Variants in NFIB observed in about 807,000 individuals in gnomAD.
NFIB encodes nuclear factor I B.
NFIB carries 11 observed loss-of-function variants against 61.5 expected under a neutral mutation model. That is an observed-to-expected ratio of 0.18 (90% CI 0.11 to 0.30). The LOEUF (loss-of-function observed/expected upper bound fraction) is 0.30, where lower values mean the gene tolerates loss of function less well. Ranked by LOEUF, NFIB falls within the 10% of genes least tolerant of loss-of-function variation. NFIB has a pLI of 1.00. For missense variants in NFIB, 471 were observed against 608.9 expected (o/e 0.77, Z 2.38); for synonymous variants, 260 against 216.5 (o/e 1.20, Z -1.76).
chr9:14,262,835 A>T (rs946816441), intron 2 of NFIB, among the ~76,000 whole-genome samples: 11 of 152,272 alleles, frequency 7.2e-5, no homozygotes, highest in Non-Finnish European at 1.3e-4. Flanking sequence ...CAGTTTCAAC[A>T]TGAAACTGGC....
At chr9:14,412,219 T>A in the NFIB span, among the ~76,000 whole-genome samples, 1 of 152,212 alleles carries the variant, frequency 6.6e-6, no homozygotes, top group Non-Finnish European at 1.5e-5. Context: ...GGTCTTAGAT[T>A]GTCCTATGTG....
intron 1 of NFIB, among the ~76,000 whole-genome samples, chr9:14,389,003 T>TG (rs953669631): frequency 1.3e-5 from 2 of 152,208 alleles, no homozygotes; most frequent in African/African-American, 2.4e-5. Context: ...GGTTGGGGCC[T>TG]GGACATTGCA....
At position 14,099,079 on chromosome 9, in the gene NFIB, A is replaced by C. The variant is rs536975329; in HGVS notation, c.1468-10753T>G. Among the ~76,000 whole-genome samples the C allele has an allele frequency of 4.4e-4, 67 of 152,320 alleles. 1 individual carries two copies. Among genetic ancestry groups the C allele is most frequent in the African/African-American group, 1.5e-3 (64 of 41,572 alleles). ...ACACCTCAACAGGGCAATTAGTATA[A>C]AGCAGAAAAGAGGGTGACCATGGAA... On this transcript the variant is annotated intron_variant, in intron 10 of 10. Coordinates refer to ENST00000380953, the MANE Select transcript of NFIB (RefSeq NM_001190737.2).
At chr9:14,142,368 C>T (rs2041831452) in intron 6 of NFIB, among the ~76,000 whole-genome samples, 1 of 152,116 alleles carries the variant, frequency 6.6e-6, no homozygotes, top group Non-Finnish European at 1.5e-5. Context: ...CTTGCTCCTC[C>T]TTCCACCATG....
At chr9:14,184,425 A>C (rs1400252469) in intron 2 of NFIB, among the ~76,000 whole-genome samples, 2 of 152,126 alleles carry the variant, frequency 1.3e-5, no homozygotes, top group East Asian at 3.9e-4. Flanking sequence ...TCTATATCTA[A>C]GTTGGAAGCA....
At chr9:14,249,644 G>C (rs1236661632) in intron 2 of NFIB, among the ~76,000 whole-genome samples, 1 of 151,524 alleles carries the variant, frequency 6.6e-6, no homozygotes, top group Admixed American at 6.6e-5. Context: ...TACTTAGCAA[G>C]TACTGTAAAA....
chr9:14,512,465 G>C, the NFIB span, among the ~76,000 whole-genome samples: 1 of 151,882 alleles, frequency 6.6e-6, no homozygotes, highest in African/African-American at 2.4e-5. Context: ...AAGTATCTTC[G>C]TATTTCTAGG....
At chr9:14,392,435 A>C (rs1343127741) in intron 1 of NFIB, among the ~76,000 whole-genome samples, 1 of 152,228 alleles carries the variant, frequency 6.6e-6, no homozygotes, top group Non-Finnish European at 1.5e-5. Flanking sequence ...TTCTAACATA[A>C]AAAGATTATA....
At chr9:14,358,740 C>T (rs2061205411) in intron 1 of NFIB, among the ~76,000 whole-genome samples, 2 of 152,142 alleles carry the variant, frequency 1.3e-5, no homozygotes, top group African/African-American at 4.8e-5. Context: ...CATCAGTCAG[C>T]GTATTTTATC....
chr9:14,275,640 T>G (rs1336456538), intron 2 of NFIB, among the ~76,000 whole-genome samples: 1 of 152,144 alleles, frequency 6.6e-6, no homozygotes, highest in South Asian at 2.1e-4. Flanking sequence ...TTGTGAGTAC[T>G]TATCTAAAAG....
At chr9:14,355,975 A>T (rs1034895461) in intron 1 of NFIB, among the ~76,000 whole-genome samples, 4 of 136,548 alleles carry the variant, frequency 2.9e-5, no homozygotes, top group Non-Finnish European at 4.9e-5. Flanking sequence ...AAACAAATAA[A>T]AAAAAAAAAA....
chr9:14,326,791 C>A (rs1405198893), intron 1 of NFIB, among the ~76,000 whole-genome samples: 2 of 151,158 alleles, frequency 1.3e-5, no homozygotes, highest in Non-Finnish European at 2.9e-5. Context: ...TGCCTTCTAG[C>A]TTTAAAAAAT....
chr9:14,216,610 A>G (rs1008514478), intron 2 of NFIB, among the ~76,000 whole-genome samples: 1 of 149,046 alleles, frequency 6.7e-6, no homozygotes, highest in African/African-American at 2.5e-5. Context: ...CAAGGGGGTA[A>G]GCCCCTACAA....
intron 3 of NFIB, 102 bp from the exon 4 acceptor site, chr9:14,155,995 A>G (rs2043356008): frequency 3.4e-6 from 2 of 588,326 alleles, no homozygotes; most frequent in Middle Eastern, 4.1e-4. Flanking sequence ...GGTTTGAACA[A>G]AAACCAAATA....
chr9:14,132,690 C>T (rs919421980), intron 6 of NFIB, among the ~76,000 whole-genome samples: 1 of 152,164 alleles, frequency 6.6e-6, no homozygotes, highest in South Asian at 2.1e-4. Context: ...ATCTCAGCCT[C>T]CCAAGTAGCT....
At position 14,313,536 on chromosome 9, in the gene NFIB, C is replaced by T. The variant is rs1564001696; in HGVS notation, c.-25G>A. 1 of 1,613,352 alleles carries T rather than the reference C, an allele frequency of 6.2e-7. No individual in the cohort carries two copies. Among genetic ancestry groups the T allele is most frequent in the Admixed American group, 1.7e-5 (1 of 59,892 alleles). On this transcript the variant is annotated 5_prime_UTR_variant, in exon 1 of 11. Transcript: ENST00000380953. This position sits in a 1 kb window ranked among gnomAD's most constrained non-coding sequence, Gnocchi z 4.5. ...TGACTTCGCCTTAAAACGCACTTTC[C>T]GGGAGATGCCCAAGAAAATCTTCGA...
chr9:14,164,700 TA>T (rs2044583635), intron 3 of NFIB, among the ~76,000 whole-genome samples: 1 of 152,132 alleles, frequency 6.6e-6, no homozygotes, highest in African/African-American at 2.4e-5. Flanking sequence ...AAACTAAAAG[TA>T]ACCAAAATTG....
chr9:14,099,824 G>A (rs1448582840), intron 10 of NFIB, among the ~76,000 whole-genome samples: 1 of 152,210 alleles, frequency 6.6e-6, no homozygotes, highest in Non-Finnish European at 1.5e-5. Flanking sequence ...TGTAATCTCA[G>A]TACTTTGGGA....
chr9:14,486,696 T>TAC, the NFIB span, among the ~76,000 whole-genome samples: 75,854 of 149,792 alleles, frequency 0.51, 19,246 homozygotes, highest in Middle Eastern at 0.64. Context: ...TGCATGTAAA[T>TAC]ACACACACAC....
Sources: gnomAD v4.1 joint callset for allele counts (sites outside exome capture counted in the v4.1 genomes callset) on GRCh38, gnomAD v4.1.1 for gene constraint, Gnocchi (gnomAD v3.1) non-coding constraint, MANE v1.5 for transcripts, NCBI Gene and HGNC (gene_info 2026-07-23, HGNC 2026-07-21) for gene names.